Variants in KCND3 observed in about 807,000 individuals in gnomAD.
KCND3 encodes the protein potassium voltage-gated channel subfamily D member 3, also known as A-type voltage-gated potassium channel KCND3.
In KCND3, 9 loss-of-function variants were observed where a neutral mutation model predicts 51.1. The observed-to-expected ratio is 0.18, with a 90% CI of 0.11 to 0.31. KCND3 has a LOEUF of 0.31. Among genes scored for constraint, KCND3 ranks in the 10% least tolerant of loss-of-function variants. The pLI, the probability that KCND3 is intolerant of heterozygous loss-of-function variation, is 1.00. For missense variants in KCND3, 526 were observed against 903.8 expected (o/e 0.58, Z 5.36); for synonymous variants, 349 against 368.0 (o/e 0.95, Z 0.59).
chr1:111,918,577 A>G (rs1315264201), intron 2 of KCND3, among the ~76,000 whole-genome samples: 1 of 152,168 alleles, frequency 6.6e-6, no homozygotes, highest in East Asian at 1.9e-4. Flanking sequence ...TGGTAAGTCC[A>G]TGGTGCTTTG....
chr1:111,963,630 T>C (rs1673801679), intron 2 of KCND3, among the ~76,000 whole-genome samples: 2 of 152,200 alleles, frequency 1.3e-5, no homozygotes, highest in Non-Finnish European at 2.9e-5. Flanking sequence ...AAAGAGTTTT[T>C]ACATGGAGGA....
Position 111,982,542 on chromosome 1 carries a change from G to C in KCND3, c.185C>G (p.Pro62Arg). 1 of 1,608,268 alleles carries C rather than the reference G, an allele frequency of 6.2e-7. No homozygotes were observed. Among genetic ancestry groups the C allele is most frequent in the Non-Finnish European group, 8.5e-7 (1 of 1,175,306 alleles). Residue 62 changes from proline (P) to arginine (R), a missense_variant, in exon 2 of 8, where the codon CCG becomes CGG. By Grantham distance (103) the Pro-to-Arg change is moderately radical. Transcript: ENST00000302127. This position sits in a 1 kb window ranked among gnomAD's most constrained non-coding sequence, Gnocchi z 8.5. The part of the protein sequence containing the change: ...QTWRTTLERY[P>R]DTLLGSTEKE... ...CTCCGTGCTGCCCAGCAGGGTGTCC[G>C]GGTAGCGCTCCAGCGTGGTCCTCCA... is the stretch of plus-strand genomic sequence containing the variant.
At chr1:111,918,765 T>TGGA (rs990989822) in intron 2 of KCND3, among the ~76,000 whole-genome samples, 65 of 152,152 alleles carry the variant, frequency 4.3e-4, no homozygotes, top group African/African-American at 1.4e-3. Context: ...TTTTCCAGGC[T>TGGA]GGAGGCAGGG....
intron 2 of KCND3, among the ~76,000 whole-genome samples, chr1:111,823,752 C>T (rs529446626): frequency 4.6e-5 from 7 of 152,292 alleles, no homozygotes; most frequent in Non-Finnish European, 8.8e-5. Flanking sequence ...GGGTGAATGA[C>T]TTGCACAAGG....
chr1:111,887,465 T>G (rs1669621081), intron 2 of KCND3, among the ~76,000 whole-genome samples: 1 of 152,084 alleles, frequency 6.6e-6, no homozygotes, highest in Admixed American at 6.5e-5. Context: ...TATCTAAGGC[T>G]TCTCAACCTC....
chr1:111,891,661 C>T (rs1309160809), intron 2 of KCND3, among the ~76,000 whole-genome samples: 1 of 152,218 alleles, frequency 6.6e-6, no homozygotes, highest in Non-Finnish European at 1.5e-5. Context: ...CAAACTTAAT[C>T]ATGTCTTGTG....
chr1:111,968,022 G>A (rs1674100939), intron 2 of KCND3, among the ~76,000 whole-genome samples: 3 of 152,192 alleles, frequency 2.0e-5, no homozygotes, highest in South Asian at 4.1e-4. Flanking sequence ...GGACACAGCA[G>A]CCTCTGCTCC....
At position 111,838,407 on chromosome 1, in the gene KCND3, C is replaced by T. The variant is rs567561936; in HGVS notation, c.1107-51301G>A. Among the ~76,000 whole-genome samples, 5 of 152,292 alleles carry T rather than the reference C, an allele frequency of 3.3e-5. No homozygotes were observed. In the South Asian group the frequency reaches 6.2e-4, roughly 19 times the overall value. On this transcript the variant is annotated intron_variant, in intron 2 of 7. Coordinates refer to ENST00000302127, the MANE Select transcript of KCND3 (RefSeq NM_001378969.1). The stretch of plus-strand genomic sequence containing the variant: ...CTTATAAAAAACACAACAGACATCC[C>T]AGCGCGTTGGGAGGCCAAGGCGGGC...
At chr1:111,885,763 T>C (rs1324947864) in intron 2 of KCND3, among the ~76,000 whole-genome samples, 2 of 152,012 alleles carry the variant, frequency 1.3e-5, no homozygotes, top group African/African-American at 4.8e-5. Flanking sequence ...ACCTCCGCCT[T>C]CTGGTTTCAA....
chr1:111,907,830 T>C (rs1670718583), intron 2 of KCND3, among the ~76,000 whole-genome samples: 1 of 152,242 alleles, frequency 6.6e-6, no homozygotes, highest in Non-Finnish European at 1.5e-5. Context: ...AGCAGAGCCC[T>C]GATGAAGACA....
At chr1:111,827,051 A>G (rs1294624014) in intron 2 of KCND3, among the ~76,000 whole-genome samples, 1 of 152,212 alleles carries the variant, frequency 6.6e-6, no homozygotes, top group Non-Finnish European at 1.5e-5. Context: ...AGCAATCAAA[A>G]AGTTTCAGAT....
rs193281748 is a variant in KCND3, at chr1:111,851,897, G to A, written c.1107-64791C>T. 2.6e-5 allele frequency among the ~76,000 whole-genome samples: 4 copies of A among 152,334 alleles called. No individual in the cohort carries two copies. In the East Asian group the frequency reaches 5.8e-4, roughly 22 times the overall value. On this transcript the variant is annotated intron_variant, in intron 2 of 7. Coordinates refer to ENST00000302127, the MANE Select transcript of KCND3 (RefSeq NM_001378969.1). Reference sequence around the variant, plus strand: ...GCCCACTTGCTGAGGGCAGTAAGGTGCAAAGGATGTTTACCACGACAGCCA... The same window carrying A: ...GCCCACTTGCTGAGGGCAGTAAGGTACAAAGGATGTTTACCACGACAGCCA...
chr1:111,921,613 C>G (rs1053255776), intron 2 of KCND3, among the ~76,000 whole-genome samples: 2 of 152,166 alleles, frequency 1.3e-5, no homozygotes, highest in African/African-American at 4.8e-5. Context: ...CCTCATGCCT[C>G]TCTCTTCCCA....
chr1:111,885,979 C>T (rs896051483), intron 2 of KCND3, among the ~76,000 whole-genome samples: 8 of 152,062 alleles, frequency 5.3e-5, no homozygotes, highest in African/African-American at 1.4e-4. Context: ...CTGCATGTTT[C>T]GATCGCTAGA....
At chr1:111,877,184 T>G (rs1669085799) in intron 2 of KCND3, among the ~76,000 whole-genome samples, 1 of 152,234 alleles carries the variant, frequency 6.6e-6, no homozygotes, top group Non-Finnish European at 1.5e-5. Flanking sequence ...TCTCATTTAT[T>G]TAAGTGAATT....
chr1:111,795,727 G>A (rs1665026837), intron 2 of KCND3, among the ~76,000 whole-genome samples: 1 of 152,204 alleles, frequency 6.6e-6, no homozygotes. Context: ...GGGTCGAATG[G>A]TATTTCTGTT....
intron 2 of KCND3, among the ~76,000 whole-genome samples, chr1:111,915,335 T>C (rs1671146299): frequency 6.6e-6 from 1 of 150,430 alleles, no homozygotes; most frequent in African/African-American, 2.4e-5. Context: ...TCACATTGGA[T>C]TTTTTTTTTA....
intron 2 of KCND3, among the ~76,000 whole-genome samples, chr1:111,787,909 A>G (rs937276019): frequency 1.3e-5 from 2 of 152,230 alleles, no homozygotes; most frequent in African/African-American, 4.8e-5. Flanking sequence ...TCATTTGCTC[A>G]GCTGGGATTA....
At chr1:111,801,532 G>T (rs1399523538) in intron 2 of KCND3, among the ~76,000 whole-genome samples, 1 of 152,174 alleles carries the variant, frequency 6.6e-6, no homozygotes, top group Non-Finnish European at 1.5e-5. Flanking sequence ...ACAGGTGGGA[G>T]GTAGAAGTAG....
Sources: gnomAD v4.1 joint callset for allele counts (sites outside exome capture counted in the v4.1 genomes callset) on GRCh38, gnomAD v4.1.1 for gene constraint, Gnocchi (gnomAD v3.1) non-coding constraint, MANE v1.5 for transcripts, NCBI Gene and HGNC (gene_info 2026-07-23, HGNC 2026-07-21) for gene names.